Variants in ZNF518A observed in about 807,000 individuals in gnomAD.
ZNF518A encodes zinc finger protein 518.
In ZNF518A, 47 loss-of-function variants were observed where a neutral mutation model predicts 102.7. That is an observed-to-expected ratio of 0.46 (90% CI 0.36 to 0.58). The LOEUF (loss-of-function observed/expected upper bound fraction) is 0.58, where lower values mean the gene tolerates loss of function less well. Among genes scored for constraint, ZNF518A ranks in the 20% least tolerant of loss-of-function variants. The pLI is 0.00. For synonymous variants in ZNF518A, 652 were observed against 594.6 expected (o/e 1.10, Z -1.40); for missense variants, 1,793 against 1,699.8 (o/e 1.05, Z -0.96).
intron 1 of ZNF518A, chr10:96,197,158 A>C: frequency 4.5e-6 from 4 of 890,084 alleles, no homozygotes; most frequent in Non-Finnish European, 6.8e-6. Context: ...CCTATATTAC[A>C]TTCCAAAGGT....
chr10:96,175,523 T>G (rs1431821929), intron 1 of ZNF518A, among the ~76,000 whole-genome samples: 1 of 152,068 alleles, frequency 6.6e-6, no homozygotes, highest in Non-Finnish European at 1.5e-5. Flanking sequence ...TTGGGAAAAT[T>G]TAAAGGAGAG....
chr10:96,152,881 C>T (rs1391483199), intron 3 of ZNF518A, among the ~76,000 whole-genome samples: 1 of 152,132 alleles, frequency 6.6e-6, no homozygotes, highest in Non-Finnish European at 1.5e-5. Context: ...AATTATGCAG[C>T]ATGTGACTAT....
At chr10:96,154,750 T>C (rs1047969988) in intron 3 of ZNF518A, among the ~76,000 whole-genome samples, 7 of 152,212 alleles carry the variant, frequency 4.6e-5, no homozygotes, top group African/African-American at 1.7e-4. Flanking sequence ...TGTTACCTTT[T>C]CTTTGTAATA....
intron 1 of ZNF518A, among the ~76,000 whole-genome samples, chr10:96,180,407 A>T (rs1158847621): frequency 2.6e-5 from 4 of 151,694 alleles, no homozygotes; most frequent in Non-Finnish European, 5.9e-5. Context: ...CAGGTTTGTT[A>T]CATATGTATA....
rs1412051025 is a variant in ZNF518A, at chr10:96,161,923, G to T, written c.*1149G>T. The T allele has an allele frequency of 6.0e-6, 1 of 166,914 alleles. No homozygotes were observed. The highest frequency in any genetic ancestry group is 1.5e-5 in the Non-Finnish European group (1 of 67,994). The allele number at this position is 166,914 out of a possible 1,614,324, so 10.3% of individuals were successfully genotyped here. ...ATAAAACCTTAGGATAGATTCCTAA[G>T]GGACATGCCCAACAGAGTTTTAAAA... is the stretch of plus-strand genomic sequence containing the variant. On this transcript the variant is annotated 3_prime_UTR_variant, in exon 6 of 6. Transcript: ENST00000316045.
chr10:96,179,544 T>C (rs2083226093), intron 1 of ZNF518A, among the ~76,000 whole-genome samples: 1 of 152,170 alleles, frequency 6.6e-6, no homozygotes, highest in Non-Finnish European at 1.5e-5. Context: ...TTATCCAAAG[T>C]ACACCCACTT....
At chr10:96,170,842 C>G (rs1404815963) in intron 1 of ZNF518A, among the ~76,000 whole-genome samples, 7 of 152,102 alleles carry the variant, frequency 4.6e-5, no homozygotes, top group African/African-American at 1.4e-4. Flanking sequence ...TCTGATTATG[C>G]ATTTTAATTT....
chr10:96,146,101 A>G (rs1564753116), intron 3 of ZNF518A, among the ~76,000 whole-genome samples: 2 of 150,416 alleles, frequency 1.3e-5, no homozygotes, highest in Non-Finnish European at 3.0e-5. Flanking sequence ...TCTACTGTTT[A>G]TTTTTTTTTC....
chr10:96,167,395 A>G (rs2133879525), downstream of ZNF518A, among the ~76,000 whole-genome samples: 1 of 152,318 alleles, frequency 6.6e-6, no homozygotes, highest in Admixed American at 6.5e-5. Flanking sequence ...CAGAGGTTGC[A>G]GTGAGCCGAG....
intron 1 of ZNF518A, among the ~76,000 whole-genome samples, chr10:96,184,292 C>A (rs1554892321): frequency 6.6e-6 from 1 of 152,130 alleles, no homozygotes; most frequent in African/African-American, 2.4e-5. Flanking sequence ...GGGCATTTAG[C>A]CCATTTACAT....
downstream of ZNF518A, among the ~76,000 whole-genome samples, chr10:96,164,180 A>G (rs1311771950): frequency 6.6e-6 from 1 of 152,268 alleles, no homozygotes; most frequent in Non-Finnish European, 1.5e-5. Context: ...GGGTGGGAGA[A>G]AATGGAGGTG....
chr10:96,160,372 G>C lies in ZNF518A; in HGVS notation c.4050G>C (p.Leu1350Phe). Reference sequence around the variant, plus strand: ...GGAGAAACCAACCAGTTGTAGTTTTGAATCATCCTGACGCAGATGCACCAG... The same window carrying C: ...GGAGAAACCAACCAGTTGTAGTTTTCAATCATCCTGACGCAGATGCACCAG... ...CPRRNQPVVV[L>F]NHPDADAPEV... The change falls in exon 6 of 6, where the codon TTG becomes TTC. Residue 1350 changes from leucine to phenylalanine, a missense_variant. Leu to Phe is a conservative substitution (Grantham distance 22, BLOSUM62 0). Transcript: ENST00000316045. 6.2e-7 allele frequency: 1 copy of C among 1,613,452 alleles called. No individual in the cohort carries two copies. The highest frequency in any genetic ancestry group is 8.5e-7 in the Non-Finnish European group (1 of 1,179,606).
downstream of ZNF518A, among the ~76,000 whole-genome samples, chr10:96,167,773 T>TGATC (rs2083150945): frequency 1.3e-5 from 2 of 152,170 alleles, no homozygotes; most frequent in African/African-American, 2.4e-5. Flanking sequence ...ATCATAGACC[T>TGATC]AAATACAAGC....
chr10:96,169,035 A>G (rs587620877), intron 1 of ZNF518A, among the ~76,000 whole-genome samples: 3 of 152,014 alleles, frequency 2.0e-5, no homozygotes, highest in East Asian at 3.9e-4. Flanking sequence ...TAACTTATCT[A>G]TTTATTTTAG....
At chr10:96,149,237 A>G (rs1389778130) in intron 3 of ZNF518A, among the ~76,000 whole-genome samples, 1 of 152,194 alleles carries the variant, frequency 6.6e-6, no homozygotes, top group Non-Finnish European at 1.5e-5. Context: ...TAGATGGCTT[A>G]TGGGCCATCA....
intron 3 of ZNF518A, among the ~76,000 whole-genome samples, chr10:96,152,683 G>A (rs1449083082): frequency 6.6e-6 from 1 of 152,200 alleles, no homozygotes; most frequent in South Asian, 2.1e-4. Flanking sequence ...TACACACTTT[G>A]ACTATATGGT....
At chr10:96,164,383 G>A (rs1265046099), downstream of ZNF518A, among the ~76,000 whole-genome samples, 1 of 152,192 alleles carries the variant, frequency 6.6e-6, no homozygotes, top group Non-Finnish European at 1.5e-5. Context: ...TTGACCCATT[G>A]GGGATCTCAT....
intron 1 of ZNF518A, chr10:96,196,880 G>T (rs376755926): frequency 1.7e-5 from 27 of 1,606,662 alleles, no homozygotes; most frequent in Admixed American, 3.3e-5. Context: ...CATAGTTATA[G>T]AATTGAATTT....
intron 1 of ZNF518A, among the ~76,000 whole-genome samples, chr10:96,132,077 C>G (rs1554872173): frequency 1.3e-5 from 2 of 150,316 alleles, no homozygotes; most frequent in Non-Finnish European, 3.0e-5. Flanking sequence ...AGGTATGCTA[C>G]TGAAGGTTTT....
Sources: gnomAD v4.1 joint callset for allele counts (sites outside exome capture counted in the v4.1 genomes callset) on GRCh38, gnomAD v4.1.1 for gene constraint, MANE v1.5 for transcripts, NCBI Gene and HGNC (gene_info 2026-07-23, HGNC 2026-07-21) for gene names.